Variants in USP34 observed in about 807,000 individuals in gnomAD.
USP34 encodes the protein ubiquitin carboxyl-terminal hydrolase 34.
In USP34, 70 loss-of-function variants were observed where a neutral mutation model predicts 460.3. That is an observed-to-expected ratio of 0.15 (90% CI 0.13 to 0.19). The LOEUF (loss-of-function observed/expected upper bound fraction) is 0.19, where lower values mean the gene tolerates loss of function less well. Among genes scored for constraint, USP34 ranks in the 10% least tolerant of loss-of-function variants. The pLI, the probability that USP34 is intolerant of heterozygous loss-of-function variation, is 1.00. For missense variants in USP34, 3,985 were observed against 4,236.2 expected (o/e 0.94, Z 1.65); for synonymous variants, 1,647 against 1,405.3 (o/e 1.17, Z -3.85).
intron 68 of USP34, among the ~76,000 whole-genome samples, chr2:61,212,197 A>C (rs1449684222): frequency 1.3e-5 from 2 of 152,184 alleles, no homozygotes; most frequent in African/African-American, 4.8e-5. Context: ...ACATGATGAA[A>C]CTCTGTCTCT....
At chr2:61,267,746 T>G (rs1360845882) in intron 41 of USP34, among the ~76,000 whole-genome samples, 1 of 152,116 alleles carries the variant, frequency 6.6e-6, no homozygotes, top group Non-Finnish European at 1.5e-5. Context: ...CCCAATTAGT[T>G]GGGACTACAG....
intron 2 of USP34, among the ~76,000 whole-genome samples, chr2:61,412,830 A>G (rs933414383): frequency 6.7e-6 from 1 of 149,698 alleles, no homozygotes; most frequent in African/African-American, 2.5e-5. Flanking sequence ...TCGAGGCCGC[A>G]GTGAGCCATC....
intron 1 of USP34, among the ~76,000 whole-genome samples, chr2:61,459,406 G>A (rs531621934): frequency 1.3e-5 from 2 of 152,260 alleles, no homozygotes; most frequent in South Asian, 4.1e-4. Flanking sequence ...TCATCACTGT[G>A]TTAAATATAA....
At chr2:61,385,997 C>CAAAAAAAAAAAA (rs58518474) in intron 5 of USP34, among the ~76,000 whole-genome samples, 1 of 99,450 alleles carries the variant, frequency 1.0e-5, no homozygotes, top group Non-Finnish European at 2.1e-5. Flanking sequence ...ACTCTGTCTC[C>CAAAAAAAAAAAA]AAAAAAAAAA....
At chr2:61,343,698 A>G in intron 16 of USP34, 117 bp downstream of exon 16, 2 of 1,099,970 alleles carry the variant, frequency 1.8e-6, no homozygotes, top group South Asian at 1.6e-5. Context: ...TATGTAAGTT[A>G]TTTTGACAAA....
chr2:61,203,682 G>A (rs1687036091), intron 74 of USP34, among the ~76,000 whole-genome samples: 2 of 152,084 alleles, frequency 1.3e-5, no homozygotes, highest in South Asian at 2.1e-4. Context: ...GCAAGGGAGA[G>A]TGTGAATGAA....
At chr2:61,272,513 A>G (rs1180261003) in intron 41 of USP34, among the ~76,000 whole-genome samples, 2 of 152,066 alleles carry the variant, frequency 1.3e-5, no homozygotes, top group Non-Finnish European at 2.9e-5. Context: ...CCTTCAATAA[A>G]TATTCCACGT....
chr2:61,419,431 A>C (rs1193600418), intron 2 of USP34, among the ~76,000 whole-genome samples: 1 of 151,906 alleles, frequency 6.6e-6, no homozygotes, highest in Non-Finnish European at 1.5e-5. Context: ...ACTGCCTAAA[A>C]CTGCACATAT....
At chr2:61,467,061 T>A (rs1421144077) in intron 1 of USP34, among the ~76,000 whole-genome samples, 1 of 151,986 alleles carries the variant, frequency 6.6e-6, no homozygotes, top group Non-Finnish European at 1.5e-5. Context: ...ATCCTAGCAT[T>A]TTGGGAGACG....
intron 8 of USP34, among the ~76,000 whole-genome samples, chr2:61,377,760 G>A (rs1323842779): frequency 2.6e-5 from 4 of 152,114 alleles, no homozygotes; most frequent in Non-Finnish European, 4.4e-5. Context: ...ACAGCAGCCT[G>A]GACTAAGACA....
chr2:61,214,592 C>G lies in USP34; in HGVS notation c.8150G>C (p.Ser2717Thr). 1.2e-6 allele frequency: 2 copies of G among 1,614,006 alleles called. No homozygotes were observed. The highest frequency in any genetic ancestry group is 1.7e-6 in the Non-Finnish European group (2 of 1,179,950). Reference sequence around the variant, plus strand: ...ATGTAGGACTACTGTTGTGTCTGGACTGAGTGGAAGGTCACGGGTTGGGAT... The same window carrying G: ...ATGTAGGACTACTGTTGTGTCTGGAGTGAGTGGAAGGTCACGGGTTGGGAT... The part of the protein sequence containing the change: ...LHIPTRDLPL[S>T]PDTTVVLHQV... The change falls in exon 68 of 80, where the codon AGT (serine) becomes ACT (threonine). Residue 2717 changes from serine (S) to threonine (T), a missense_variant. By Grantham distance (58) the Ser-to-Thr change is moderately conservative (BLOSUM62 1). Coordinates refer to ENST00000398571, the MANE Select transcript of USP34 (RefSeq NM_014709.4).
chr2:61,266,054 T>C lies in USP34; in HGVS notation c.5547A>G (p.Val1849=), dbSNP rs200642167. The C allele has an allele frequency of 1.9e-6, 3 of 1,613,908 alleles. No individual in the cohort carries two copies. The highest frequency in any genetic ancestry group is 2.2e-5 in the East Asian group (1 of 44,894). Residue 1849 remains valine (V), a synonymous_variant, in exon 42 of 80, where the codon GTA becomes GTG. Coordinates refer to ENST00000398571, the MANE Select transcript of USP34 (RefSeq NM_014709.4). ...TCTCAACAGACCCCTTTACCATCTCTACTAACAAATCGTAAGCGGCAGCTC... is the reference window on the plus strand; with the variant it reads ...TCTCAACAGACCCCTTTACCATCTCCACTAACAAATCGTAAGCGGCAGCTC... ...SSRAAAYDLL[V]EMVKGSVENY...
In USP34 at chr2:61,300,055, C is replaced by T. The variant is rs1690172804; in HGVS notation, c.4128+896G>A. Among the ~76,000 whole-genome samples, 4 of 152,188 alleles carry T rather than the reference C, an allele frequency of 2.6e-5. No individual in the cohort carries two copies. In the South Asian group the frequency reaches 8.3e-4, roughly 31 times the overall value. ...ACCTGTTGTCGATTTATTTCCACTG[C>T]TGCCATCCTATTTCAGGGCAACTTG... On this transcript the variant is annotated intron_variant, in intron 29 of 79. Transcript: ENST00000398571.
chr2:61,376,603 G>A (rs1243272946), intron 8 of USP34, among the ~76,000 whole-genome samples: 1 of 152,160 alleles, frequency 6.6e-6, no homozygotes, highest in Non-Finnish European at 1.5e-5. Flanking sequence ...GGGGTGAGGG[G>A]ACACAGGATG....
Position 61,381,069 on chromosome 2 carries a change from C to T in USP34, c.822-708G>A, listed in dbSNP as rs145487513. 8.5e-5 allele frequency among the ~76,000 whole-genome samples: 13 copies of T among 152,148 alleles called. No homozygotes were observed. The East Asian group carries it at 1.5e-3, about 18-fold the overall frequency. ...CAAGTACCCAGGGACACAAACACTGCGGAAGGCTGCAGGATCCTCTGCCTA... is the reference window on the plus strand; with the variant it reads ...CAAGTACCCAGGGACACAAACACTGTGGAAGGCTGCAGGATCCTCTGCCTA... On this transcript the variant is annotated intron_variant, in intron 6 of 79. Coordinates refer to ENST00000398571, the MANE Select transcript of USP34 (RefSeq NM_014709.4).
chr2:61,409,307 G>T (rs987083997), intron 2 of USP34, among the ~76,000 whole-genome samples: 2 of 152,324 alleles, frequency 1.3e-5, no homozygotes, highest in Non-Finnish European at 1.5e-5. Flanking sequence ...AGCACTTTGG[G>T]AGGCTGAGGC....
At chr2:61,446,777 C>G (rs1695130920) in intron 1 of USP34, among the ~76,000 whole-genome samples, 1 of 137,742 alleles carries the variant, frequency 7.3e-6, no homozygotes. Context: ...GCCTGGGCAA[C>G]AGAGCAAGAC....
chr2:61,352,310 TTATA>T (rs1188626572), intron 10 of USP34, among the ~76,000 whole-genome samples: 2 of 151,978 alleles, frequency 1.3e-5, no homozygotes, highest in African/African-American at 4.8e-5. Context: ...ATATACATGT[TTATA>T]TATATAGTAT....
intron 41 of USP34, among the ~76,000 whole-genome samples, chr2:61,266,598 G>T (rs187466126): frequency 3.5e-4 from 54 of 152,264 alleles, no homozygotes; most frequent in African/African-American, 1.3e-3. Flanking sequence ...TAGTACTGTT[G>T]TACTTTTTCC....
Sources: allele counts gnomAD v4.1 joint callset (sites outside exome capture counted in the v4.1 genomes callset), GRCh38; gene constraint gnomAD v4.1.1; transcripts MANE v1.5; gene names NCBI Gene and HGNC (gene_info 2026-07-23, HGNC 2026-07-21).